Variants in CNOT9 observed in about 807,000 individuals in gnomAD.
The protein encoded by CNOT9 is CCR4-NOT transcription complex subunit 9, also known as RCD1 required for cell differentiation1 homolog.
CNOT9 carries 8 observed loss-of-function variants against 37.4 expected under a neutral mutation model. That is an observed-to-expected ratio of 0.21 (90% CI 0.13 to 0.39). The LOEUF (loss-of-function observed/expected upper bound fraction) is 0.39, where lower values mean the gene tolerates loss of function less well. Among genes scored for constraint, CNOT9 ranks in the 10% least tolerant of loss-of-function variants. The probability of loss-of-function intolerance (pLI) is 1.00; values close to 1 mark genes in which losing one functional copy is unlikely to be tolerated. For synonymous variants in CNOT9, 120 were observed against 137.6 expected (o/e 0.87, Z 0.90); for missense variants, 154 against 365.3 (o/e 0.42, Z 4.71).
intron 3 of CNOT9, among the ~76,000 whole-genome samples, chr2:218,583,730 C>T (rs1694494614): frequency 6.6e-6 from 1 of 152,160 alleles, no homozygotes; most frequent in South Asian, 2.1e-4. Flanking sequence ...TAGGTTGGCA[C>T]TGACCTTACA....
At chr2:218,572,771 G>A (rs1694040430) in intron 1 of CNOT9, 2 of 790,132 alleles carry the variant, frequency 2.5e-6, no homozygotes, top group Non-Finnish European at 3.1e-6. Context: ...GATTTCCACT[G>A]ACAATTCTAG....
chr2:218,575,860 A>G (rs1031293250), intron 1 of CNOT9, among the ~76,000 whole-genome samples: 2 of 152,198 alleles, frequency 1.3e-5, no homozygotes, highest in Non-Finnish European at 2.9e-5. Flanking sequence ...GTGTGCTACT[A>G]GATTGAGTTC....
intron 7 of CNOT9, chr2:218,593,905 T>A: frequency 9.8e-7 from 1 of 1,018,756 alleles, no homozygotes; most frequent in Non-Finnish European, 1.3e-6. Flanking sequence ...TGGGGCATCA[T>A]TCAGAAAATA....
Position 218,582,953 on chromosome 2 carries a change from C to T in CNOT9, c.205-18C>T, listed in dbSNP as rs1227932574. ...TTAGTTATTCCTTATTCATCTGATG[C>T]TGATTTCCATTTTTTAGGAAATTGT... is the stretch of plus-strand genomic sequence containing the variant. On this transcript the variant is annotated intron_variant, in intron 2 of 7. Transcript: ENST00000273064. 3 of 1,402,920 alleles carry T rather than the reference C, an allele frequency of 2.1e-6. No individual in the cohort carries two copies. The highest frequency in any genetic ancestry group is 3.0e-6 in the Non-Finnish European group (3 of 993,218). 86.9% of individuals were successfully genotyped at this position (1,402,920 alleles called of 1,614,324 possible). A position where few individuals can be genotyped will look rare whatever the true frequency, so the allele number is the denominator to read the frequency against.
intron 2 of CNOT9, among the ~76,000 whole-genome samples, chr2:218,582,474 A>C (rs1231391587): frequency 6.6e-6 from 1 of 152,228 alleles, no homozygotes; most frequent in Non-Finnish European, 1.5e-5. Flanking sequence ...GCAGATCACG[A>C]GGTCAGCAGA....
chr2:218,579,236 A>G (rs993856401), intron 1 of CNOT9, among the ~76,000 whole-genome samples: 2 of 152,260 alleles, frequency 1.3e-5, no homozygotes, highest in African/African-American at 4.8e-5. Context: ...TACAGTTAAC[A>G]GTTCTTTATG....
Position 218,592,436 on chromosome 2 carries a change from T to TTC in CNOT9, c.639+37_639+38dup. ...TTTCATCTATCCCCTTTACAACTAC[T>TTC]TCTCATCACAAAGCTTAATCTCTTT... On this transcript the variant is annotated intron_variant, in intron 6 of 7. Transcript: ENST00000273064. This position sits in a 1 kb window ranked among gnomAD's most constrained non-coding sequence, Gnocchi z 4.1. The TTC allele has an allele frequency of 6.4e-7, 1 of 1,555,348 alleles. No individual in the cohort carries two copies. The highest frequency in any genetic ancestry group is 8.9e-7 in the Non-Finnish European group (1 of 1,126,542).
Position 218,592,446 on chromosome 2 carries a change from A to C in CNOT9, c.639+44A>C, listed in dbSNP as rs540886380. 1 of 1,543,164 alleles carries C rather than the reference A, an allele frequency of 6.5e-7. No individual in the cohort carries two copies. Among genetic ancestry groups the C allele is most frequent in the Non-Finnish European group, 9.0e-7 (1 of 1,115,634 alleles). On this transcript the variant is annotated intron_variant, in intron 6 of 7. Transcript: ENST00000273064. This position sits in a 1 kb window ranked among gnomAD's most constrained non-coding sequence, Gnocchi z 4.1. ...CCCCTTTACAACTACTTCTCATCAC[A>C]AAGCTTAATCTCTTTATAACTGGCA...
chr2:218,573,335 A>G, intron 1 of CNOT9, among the ~76,000 whole-genome samples: 1 of 150,970 alleles, frequency 6.6e-6, no homozygotes, highest in East Asian at 1.9e-4. Flanking sequence ...AAAAAAAAAA[A>G]AAAGATACAT....
intron 1 of CNOT9, among the ~76,000 whole-genome samples, chr2:218,570,653 C>T (rs1693957533): frequency 6.6e-6 from 1 of 152,178 alleles, no homozygotes; most frequent in Non-Finnish European, 1.5e-5. Flanking sequence ...TTGTCCATCT[C>T]TCAAAATCTG....
At position 218,581,191 on chromosome 2, in the gene CNOT9, C is replaced by T. The variant is rs145346829; in HGVS notation, c.204+451C>T. 497 of 291,134 alleles carry T rather than the reference C, an allele frequency of 1.7e-3. 1 individual carries two copies. The highest frequency in any genetic ancestry group is 0.011 in the African/African-American group (446 of 40,440). 18.0% of individuals were successfully genotyped at this position (291,134 alleles called of 1,614,324 possible). On this transcript the variant is annotated intron_variant, in intron 2 of 7. Transcript: ENST00000273064. ...TTTTCTTTTTTTTTTTTTTTTGAGACGGAATCTCGCTCTGTCGCCCAGACT... is the reference window on the plus strand; with the variant it reads ...TTTTCTTTTTTTTTTTTTTTTGAGATGGAATCTCGCTCTGTCGCCCAGACT...
chr2:218,594,658 G>A lies in CNOT9; in HGVS notation c.*382G>A, dbSNP rs993247748. The stretch of plus-strand genomic sequence containing the variant: ...CAGCAGCACTCTAGGCATGGTGAAC[G>A]CCTGGGACCAAGCCATGTGGCGTTT... On this transcript the variant is annotated 3_prime_UTR_variant, in exon 8 of 8. Coordinates refer to ENST00000273064, the MANE Select transcript of CNOT9 (RefSeq NM_005444.3). The A allele has an allele frequency of 2.5e-4, 47 of 190,328 alleles. No homozygotes were observed. Among genetic ancestry groups the A allele is most frequent in the African/African-American group, 7.3e-4 (31 of 42,714 alleles). 11.8% of individuals were successfully genotyped at this position (190,328 alleles called of 1,614,324 possible).
At chr2:218,571,574 C>T (rs1234410937) in intron 1 of CNOT9, among the ~76,000 whole-genome samples, 6 of 142,658 alleles carry the variant, frequency 4.2e-5, no homozygotes, top group Admixed American at 1.4e-4. Flanking sequence ...TTTTGTGATT[C>T]TTTTTTTTTT....
rs1275688440 is a variant in CNOT9, at chr2:218,592,919, T to C, written c.731+212T>C. 5 of 562,626 alleles carry C rather than the reference T, an allele frequency of 8.9e-6. No individual in the cohort carries two copies. The highest frequency in any genetic ancestry group is 1.6e-5 in the Non-Finnish European group (5 of 317,508). 34.9% of individuals were successfully genotyped at this position (562,626 alleles called of 1,614,324 possible). On this transcript the variant is annotated intron_variant, in intron 7 of 7. Coordinates refer to ENST00000273064, the MANE Select transcript of CNOT9 (RefSeq NM_005444.3). This position sits in a 1 kb window ranked among gnomAD's most constrained non-coding sequence, Gnocchi z 4.1. ...ATCTTCTCACTGTAACTCTCCATCC[T>C]ACTGTGAAATTCCAGAGAGTCTAGG...
At chr2:218,573,064 A>G (rs760989450) in intron 1 of CNOT9, among the ~76,000 whole-genome samples, 5 of 152,198 alleles carry the variant, frequency 3.3e-5, no homozygotes, top group African/African-American at 1.2e-4. Flanking sequence ...TCATGCCTGT[A>G]ATCCCAGCAC....
chr2:218,590,821 G>T lies in CNOT9; in HGVS notation c.541-1483G>T, dbSNP rs201759578. Among the ~76,000 whole-genome samples, 4 of 139,500 alleles carry T rather than the reference G, an allele frequency of 2.9e-5. No individual in the cohort carries two copies. In the East Asian group the frequency reaches 8.9e-4, roughly 31 times the overall value. The allele number at this position is 139,500 out of a possible 152,430, so 91.5% of individuals were successfully genotyped here. A position where few individuals can be genotyped will look rare whatever the true frequency, so the allele number is the denominator to read the frequency against. ...TCTTGTTGTTGTTGTTGTTGTTGTT[G>T]TTTTGTTTGTTTGTTTGTTTTAAGA... On this transcript the variant is annotated intron_variant, in intron 5 of 7. Coordinates refer to ENST00000273064, the MANE Select transcript of CNOT9 (RefSeq NM_005444.3).
chr2:218,582,940 T>C, intron 2 of CNOT9, 31 bp from the exon 3 acceptor site: 1 of 1,248,098 alleles, frequency 8.0e-7, no homozygotes. Flanking sequence ...AGTTATTCCT[T>C]ATTCATCTGA....
chr2:218,590,797 CTTGTTG>C (rs72308011), intron 5 of CNOT9, among the ~76,000 whole-genome samples: 7,215 of 150,774 alleles, frequency 0.048, 465 homozygotes, highest in African/African-American at 0.15. Flanking sequence ...CTACATCTCT[CTTGTTG>C]TTGTTGTTGT....
intron 5 of CNOT9, among the ~76,000 whole-genome samples, chr2:218,588,746 T>G (rs1255993191): frequency 6.6e-6 from 1 of 150,576 alleles, no homozygotes; most frequent in Non-Finnish European, 1.5e-5. Flanking sequence ...TTTTTTTTTT[T>G]GTATTTTTAG....
Sources: gnomAD v4.1 joint callset for allele counts (sites outside exome capture counted in the v4.1 genomes callset) on GRCh38, gnomAD v4.1.1 for gene constraint, Gnocchi (gnomAD v3.1) non-coding constraint, MANE v1.5 for transcripts, NCBI Gene and HGNC (gene_info 2026-07-23, HGNC 2026-07-21) for gene names.